Variants in DMXL2 observed in about 807,000 individuals in gnomAD.
The protein encoded by DMXL2 is dmX-like protein 2.
A neutral mutation model predicts 331.1 loss-of-function variants in DMXL2; 103 were observed. The ratio of observed to expected loss-of-function variants is 0.31; its 90% CI spans 0.27 to 0.37. DMXL2 has a LOEUF of 0.37. Ranked by LOEUF, DMXL2 falls within the 10% of genes least tolerant of loss-of-function variation. The pLI, the probability that DMXL2 is intolerant of heterozygous loss-of-function variation, is 1.00. For missense variants in DMXL2, 3,171 were observed against 3,642.9 expected (o/e 0.87, Z 3.33); for synonymous variants, 1,281 against 1,252.1 (o/e 1.02, Z -0.49).
chr15:51,532,519 T>C (rs2140850060), intron 13 of DMXL2, among the ~76,000 whole-genome samples: 1 of 152,266 alleles, frequency 6.6e-6, no homozygotes, highest in East Asian at 1.9e-4. Flanking sequence ...TAAAAATAAC[T>C]AGAAGAGTGT....
chr15:51,510,090 A>C (rs1278078830), intron 15 of DMXL2, among the ~76,000 whole-genome samples: 1 of 152,238 alleles, frequency 6.6e-6, no homozygotes, highest in Non-Finnish European at 1.5e-5. Context: ...ACAAACCCAC[A>C]GCCAATATCA....
chr15:51,517,234 A>C, intron 13 of DMXL2, 67 bp from the exon 14 acceptor site: 11 of 1,200,898 alleles, frequency 9.2e-6, no homozygotes, highest in Non-Finnish European at 1.4e-5. Context: ...ATGATACAGC[A>C]TCTTGGACAT....
intron 15 of DMXL2, among the ~76,000 whole-genome samples, chr15:51,512,313 CTTTG>C (rs776358363): frequency 1.1e-3 from 171 of 152,166 alleles, no homozygotes; most frequent in African/African-American, 1.7e-3. Context: ...AATATGTAAA[CTTTG>C]TTTGGATATA....
At chr15:51,471,130 AG>A in intron 29 of DMXL2, 92 bp downstream of exon 29, 1 of 1,223,256 alleles carries the variant, frequency 8.2e-7, no homozygotes, top group African/African-American at 1.5e-5. Flanking sequence ...TCAATCCAAA[AG>A]CTACCCCATC....
intron 41 of DMXL2, among the ~76,000 whole-genome samples, chr15:51,452,785 T>C (rs2039264651): frequency 6.6e-6 from 1 of 152,182 alleles, no homozygotes; most frequent in Non-Finnish European, 1.5e-5. Context: ...AAAAAGACAC[T>C]TGCACATGCC....
At chr15:51,467,391 T>C (rs1314277359) in intron 29 of DMXL2, among the ~76,000 whole-genome samples, 1 of 152,038 alleles carries the variant, frequency 6.6e-6, no homozygotes, top group Non-Finnish European at 1.5e-5. Flanking sequence ...CTTAACAAGA[T>C]AAATTAATAA....
intron 1 of DMXL2, among the ~76,000 whole-genome samples, chr15:51,613,241 A>C (rs935981775): frequency 3.9e-5 from 6 of 152,246 alleles, no homozygotes; most frequent in Non-Finnish European, 8.8e-5. Flanking sequence ...GGAAATCATA[A>C]GAGTATTGAC....
At chr15:51,478,529 C>G (rs939326694) in intron 25 of DMXL2, among the ~76,000 whole-genome samples, 182 bp from the exon 26 acceptor site, 4 of 152,120 alleles carry the variant, frequency 2.6e-5, no homozygotes, top group Admixed American at 6.5e-5. Context: ...TATACACATG[C>G]CACAATAAAG....
intron 8 of DMXL2, among the ~76,000 whole-genome samples, chr15:51,544,443 C>T (rs2048781808): frequency 6.6e-6 from 1 of 152,228 alleles, no homozygotes; most frequent in Non-Finnish European, 1.5e-5. Flanking sequence ...TGGTGCCATG[C>T]TTCCTATAGG....
intron 13 of DMXL2, among the ~76,000 whole-genome samples, chr15:51,533,502 T>C (rs1188283548): frequency 6.6e-6 from 1 of 151,974 alleles, no homozygotes; most frequent in Non-Finnish European, 1.5e-5. Context: ...AGCAAAAAAC[T>C]AAAAACAGGC....
At chr15:51,579,972 T>G (rs1463095846) in intron 1 of DMXL2, among the ~76,000 whole-genome samples, 1 of 152,210 alleles carries the variant, frequency 6.6e-6, no homozygotes, top group Admixed American at 6.5e-5. Context: ...GTTCACTGAA[T>G]GAGGATTCAT....
At chr15:51,555,212 G>A (rs750603102) in intron 6 of DMXL2, among the ~76,000 whole-genome samples, 1 of 152,158 alleles carries the variant, frequency 6.6e-6, no homozygotes, top group African/African-American at 2.4e-5. Context: ...AGATTGTACA[G>A]AAGTGCAGCA....
At chr15:51,483,554 C>A (rs577275518) in intron 23 of DMXL2, among the ~76,000 whole-genome samples, 9 of 152,300 alleles carry the variant, frequency 5.9e-5, no homozygotes, top group South Asian at 2.1e-4. Flanking sequence ...TACCCTCCCC[C>A]AAATGGGAGA....
At chr15:51,599,560 C>T (rs2053079501) in intron 1 of DMXL2, among the ~76,000 whole-genome samples, 1 of 152,178 alleles carries the variant, frequency 6.6e-6, no homozygotes, top group African/African-American at 2.4e-5. Flanking sequence ...TTTAAATATA[C>T]ACAAATATAT....
intron 41 of DMXL2, chr15:51,453,120 C>T (rs2039301863): frequency 6.5e-6 from 1 of 153,296 alleles, no homozygotes; most frequent in South Asian, 2.1e-4. Context: ...TAAAAGACTA[C>T]ACACTGGGTA....
intron 12 of DMXL2, among the ~76,000 whole-genome samples, 179 bp from the exon 13 acceptor site, chr15:51,535,963 GATT>G (rs974508004): frequency 7.9e-5 from 12 of 152,052 alleles, no homozygotes; most frequent in Non-Finnish European, 1.0e-4. Context: ...TTAAAAAATG[GATT>G]ATGAGAGAAA....
chr15:51,491,660 T>A lies in DMXL2; in HGVS notation c.4871A>T (p.Asp1624Val). The part of the protein sequence containing the change: ...INMIPAIQRG[D>V]PQWSELRAMG... ...AGCTCTTAATTCAGACCACTGGGGG[T>A]CCCCTCTCTGAATTGCTGGAATCAT... The change falls in exon 20 of 44, where the codon GAC (aspartate) becomes GTC (valine). Residue 1624 changes from aspartate (D) to valine (V), a missense_variant. Asp to Val is a radical substitution (Grantham distance 152). Transcript: ENST00000560891. 1.9e-6 allele frequency: 3 copies of A among 1,613,444 alleles called. No homozygotes were observed. The highest frequency in any genetic ancestry group is 2.5e-6 in the Non-Finnish European group (3 of 1,179,774).
At chr15:51,520,386 A>C (rs1419184594) in intron 13 of DMXL2, among the ~76,000 whole-genome samples, 1 of 152,252 alleles carries the variant, frequency 6.6e-6, no homozygotes, top group African/African-American at 2.4e-5. Flanking sequence ...CCAGAGAATC[A>C]TTTTTAAAAT....
At chr15:51,555,381 G>A (rs2140990377) in intron 6 of DMXL2, among the ~76,000 whole-genome samples, 1 of 152,248 alleles carries the variant, frequency 6.6e-6, no homozygotes, top group Non-Finnish European at 1.5e-5. Context: ...GGTTAGGGAA[G>A]TAGAGATCAG....
Sources: gnomAD v4.1 joint callset for allele counts (sites outside exome capture counted in the v4.1 genomes callset) on GRCh38, gnomAD v4.1.1 for gene constraint, MANE v1.5 for transcripts, NCBI Gene and HGNC (gene_info 2026-07-23, HGNC 2026-07-21) for gene names.